IGFBP2: variants seen among roughly 807,000 people sequenced by gnomAD.
IGFBP2 encodes insulin-like growth factor-binding protein 2.
Under a neutral mutation model 26.2 loss-of-function variants are expected in IGFBP2, and 12 were observed. The ratio of observed to expected loss-of-function variants is 0.46; its 90% CI spans 0.29 to 0.74. The LOEUF is 0.74. IGFBP2 is among the 30% of genes least tolerant of loss of function. The pLI is 0.09. For synonymous variants in IGFBP2, 189 were observed against 200.6 expected, an observed-to-expected ratio of 0.94 and a Z score of 0.49; for missense variants, 328 against 441.2, an observed-to-expected ratio of 0.74 and a Z score of 2.30.
At chr2:216,637,353 G>T (rs1459215062) in intron 1 of IGFBP2, among the ~76,000 whole-genome samples, 2 of 152,192 alleles carry the variant, frequency 1.3e-5, no homozygotes. Flanking sequence ...GGCCTCGGAG[G>T]CAGGGCCTCT....
At chr2:216,651,507 A>C (rs1404997321) in intron 1 of IGFBP2, among the ~76,000 whole-genome samples, 1 of 152,226 alleles carries the variant, frequency 6.6e-6, no homozygotes, top group African/African-American at 2.4e-5. Context: ...AAGTTAAAGT[A>C]ATTTAGGCAA....
At chr2:216,650,671 T>G (rs1446065916) in intron 1 of IGFBP2, among the ~76,000 whole-genome samples, 1 of 152,174 alleles carries the variant, frequency 6.6e-6, no homozygotes, top group African/African-American at 2.4e-5. Flanking sequence ...AGGGAGATGA[T>G]TCTCAGAAGA....
At chr2:216,634,122 C>T in intron 1 of IGFBP2, 157 bp downstream of exon 1, 1 of 842,210 alleles carries the variant, frequency 1.2e-6, no homozygotes, top group Non-Finnish European at 1.4e-6. Context: ...GAAGTCAGGC[C>T]CGGGGAGGGG....
chr2:216,650,419 C>T (rs985114635), intron 1 of IGFBP2, among the ~76,000 whole-genome samples: 5 of 152,212 alleles, frequency 3.3e-5, no homozygotes, highest in Admixed American at 6.5e-5. Context: ...GCCAAGGCTT[C>T]GAACCCAAAA....
chr2:216,641,601 A>G (rs1434965364), intron 1 of IGFBP2, among the ~76,000 whole-genome samples: 2 of 152,312 alleles, frequency 1.3e-5, no homozygotes, highest in Non-Finnish European at 2.9e-5. Flanking sequence ...AATGCAATAC[A>G]AATGCAATTG....
intron 1 of IGFBP2, among the ~76,000 whole-genome samples, chr2:216,646,014 C>G (rs768518022): frequency 6.6e-6 from 1 of 152,220 alleles, no homozygotes; most frequent in African/African-American, 2.4e-5. Context: ...TACTATCAGA[C>G]AAAATTAGTG....
chr2:216,658,588 C>G (rs557507324), intron 1 of IGFBP2, among the ~76,000 whole-genome samples: 2 of 152,130 alleles, frequency 1.3e-5, no homozygotes, highest in South Asian at 2.1e-4. Context: ...CTTGCTCTGT[C>G]GCCCAGGCTG....
chr2:216,650,286 T>C (rs1033565333), intron 1 of IGFBP2, among the ~76,000 whole-genome samples: 8 of 152,176 alleles, frequency 5.3e-5, no homozygotes, highest in African/African-American at 1.4e-4. Flanking sequence ...TCCCTGAATT[T>C]ACAGATGAGT....
chr2:216,663,046 G>A (rs559755751), intron 3 of IGFBP2: 2 of 152,242 alleles, frequency 1.3e-5, no homozygotes, highest in Non-Finnish European at 2.9e-5. Context: ...CTAAAGTGTG[G>A]ATGTGTGAAG....
chr2:216,647,774 C>T (rs901698545), intron 1 of IGFBP2, among the ~76,000 whole-genome samples: 2 of 152,164 alleles, frequency 1.3e-5, no homozygotes, highest in Non-Finnish European at 2.9e-5. Context: ...CCCGCCTTGG[C>T]CTCCCAAAGT....
intron 3 of IGFBP2, 71 bp downstream of exon 3, chr2:216,662,069 G>C: frequency 3.9e-6 from 6 of 1,519,664 alleles, no homozygotes; most frequent in Non-Finnish European, 5.4e-6. Context: ...CCTTGTTTCT[G>C]CCCCACCCGC....
chr2:216,646,370 C>T (rs919405778), intron 1 of IGFBP2, among the ~76,000 whole-genome samples: 9 of 152,214 alleles, frequency 5.9e-5, no homozygotes, highest in African/African-American at 2.2e-4. Flanking sequence ...CATCCCATCT[C>T]ATGGTTCCAC....
chr2:216,663,905 G>C, intron 3 of IGFBP2, 35 bp from the exon 4 acceptor site: 1 of 1,586,914 alleles, frequency 6.3e-7, no homozygotes, highest in Non-Finnish European at 8.6e-7. Context: ...GTTGCTGGCT[G>C]CGGGCTCCTC....
chr2:216,638,875 AT>A (rs1225306896), intron 1 of IGFBP2, among the ~76,000 whole-genome samples: 1 of 145,064 alleles, frequency 6.9e-6, no homozygotes, highest in Non-Finnish European at 1.5e-5. Context: ...AACTTTTTGT[AT>A]TTTTTAGTAG....
At chr2:216,650,665 A>G (rs1574561724) in intron 1 of IGFBP2, among the ~76,000 whole-genome samples, 1 of 152,084 alleles carries the variant, frequency 6.6e-6, no homozygotes, top group Non-Finnish European at 1.5e-5. Context: ...AGGTGGAGGG[A>G]GATGATTCTC....
chr2:216,650,703 G>C (rs775584077), intron 1 of IGFBP2, among the ~76,000 whole-genome samples: 3 of 152,298 alleles, frequency 2.0e-5, no homozygotes, highest in South Asian at 2.1e-4. Context: ...TCTTGCAGTC[G>C]TGTGATCTTA....
At chr2:216,642,467 C>T (rs1438682855) in intron 1 of IGFBP2, among the ~76,000 whole-genome samples, 3 of 150,954 alleles carry the variant, frequency 2.0e-5, no homozygotes, top group Admixed American at 6.6e-5. Context: ...CCGCCACGCT[C>T]GGCTAATTTT....
In IGFBP2 at chr2:216,664,080, G is replaced by A; in HGVS notation, c.954G>A (p.Gly318=). The A allele has an allele frequency of 6.2e-7, 1 of 1,611,394 alleles. No individual in the cohort carries two copies. The highest frequency in any genetic ancestry group is 8.5e-7 in the Non-Finnish European group (1 of 1,179,040). The part of the protein sequence containing the change: ...LFYNEQQEAR[G]VHTQRMQ Reference sequence around the variant, plus strand: ...ACAATGAGCAGCAGGAGGCTCGCGGGGTGCACACCCAGCGGATGCAGTAGA... The same window carrying A: ...ACAATGAGCAGCAGGAGGCTCGCGGAGTGCACACCCAGCGGATGCAGTAGA... The change falls in exon 4 of 4, where the codon GGG becomes GGA. Residue 318 remains glycine (G), a synonymous_variant. Coordinates refer to ENST00000233809, the MANE Select transcript of IGFBP2 (RefSeq NM_000597.3). This position sits in a 1 kb window ranked among gnomAD's most constrained non-coding sequence, Gnocchi z 4.6.
At position 216,664,032 on chromosome 2, in the gene IGFBP2, G is replaced by T. The variant is rs752513976; in HGVS notation, c.906G>T (p.Gly302=). 6.2e-7 allele frequency: 1 copy of T among 1,614,030 alleles called. No homozygotes were observed. The highest frequency in any genetic ancestry group is 1.3e-5 in the African/African-American group (1 of 75,050). ...TCCAGGGAGCCCCCACCATCCGGGG[G>T]GACCCCGAGTGTCATCTCTTCTACA... ...KLIQGAPTIR[G]DPECHLFYNE... Residue 302 remains glycine (G), a synonymous_variant, in exon 4 of 4, where the codon GGG becomes GGT. Coordinates refer to ENST00000233809, the MANE Select transcript of IGFBP2 (RefSeq NM_000597.3). The surrounding 1 kb of genome is among the most constrained non-coding windows in gnomAD (Gnocchi z 4.6).
Sources: gnomAD v4.1 joint callset for allele counts (sites outside exome capture counted in the v4.1 genomes callset) on GRCh38, gnomAD v4.1.1 for gene constraint, Gnocchi (gnomAD v3.1) non-coding constraint, MANE v1.5 for transcripts, NCBI Gene and HGNC (gene_info 2026-07-23, HGNC 2026-07-21) for gene names.